Variants in CHLSN observed in about 807,000 individuals in gnomAD.
CHLSN encodes protein cholesin.
the CHLSN span, chr7:1,009,829 C>T: frequency 2.4e-5 from 21 of 877,776 alleles, no homozygotes; most frequent in African/African-American, 1.0e-4. Context: ...CTGGCATGAA[C>T]GCTCATACCT....
the CHLSN span, among the ~76,000 whole-genome samples, chr7:1,043,103 A>AG: frequency 6.6e-6 from 1 of 151,870 alleles, no homozygotes; most frequent in Admixed American, 6.6e-5. Flanking sequence ...AAAAAAAAAA[A>AG]AAAAATTAGC....
At chr7:1,092,726 A>G in the CHLSN span, 2 of 1,613,488 alleles carry the variant, frequency 1.2e-6, no homozygotes, top group East Asian at 2.2e-5. Context: ...ACCTTCAGGG[A>G]CAAGCTGAGG....
the CHLSN span, among the ~76,000 whole-genome samples, chr7:1,002,604 T>G: frequency 1.0e-5 from 1 of 98,132 alleles, no homozygotes; most frequent in Admixed American, 1.1e-4. Context: ...GCCCTGTGGG[T>G]GAGTGGAGTC....
At chr7:1,016,300 C>G in the CHLSN span, among the ~76,000 whole-genome samples, 1 of 59,596 alleles carries the variant, frequency 1.7e-5, no homozygotes, top group Non-Finnish European at 2.9e-5. Context: ...TGCACGCCAG[C>G]ACATAGCAGC....
chr7:1,104,010 C>T, the CHLSN span, among the ~76,000 whole-genome samples: 1 of 152,242 alleles, frequency 6.6e-6, no homozygotes, highest in African/African-American at 2.4e-5. Flanking sequence ...TTTGGGATCT[C>T]GGTGCCACCT....
chr7:1,102,213 G>A, the CHLSN span, among the ~76,000 whole-genome samples: 2 of 152,252 alleles, frequency 1.3e-5, no homozygotes, highest in African/African-American at 4.8e-5. Context: ...GTCCACCCAC[G>A]AGCAAAGCCA....
the CHLSN span, among the ~76,000 whole-genome samples, chr7:1,064,233 G>A: frequency 6.6e-6 from 1 of 152,146 alleles, no homozygotes; most frequent in Non-Finnish European, 1.5e-5. Flanking sequence ...TAGGAGACCC[G>A]ACACAGCGCC....
At chr7:1,119,946 A>T in the CHLSN span, among the ~76,000 whole-genome samples, 2 of 152,206 alleles carry the variant, frequency 1.3e-5, no homozygotes, top group Admixed American at 1.3e-4. Flanking sequence ...CTTTTAGAAC[A>T]AAAGAAGTTA....
the CHLSN span, among the ~76,000 whole-genome samples, chr7:1,039,436 G>A: frequency 3.2e-5 from 2 of 62,260 alleles, no homozygotes; most frequent in South Asian, 1.0e-3. Context: ...CAGCCCCCCC[G>A]CCCGGCCAGC....
chr7:1,132,277 G>T, the CHLSN span, among the ~76,000 whole-genome samples: 1 of 152,234 alleles, frequency 6.6e-6, no homozygotes, highest in Non-Finnish European at 1.5e-5. Flanking sequence ...GCTGAGTGCA[G>T]TGGCTAATGC....
the CHLSN span, among the ~76,000 whole-genome samples, chr7:998,815 C>T: frequency 6.6e-6 from 1 of 152,182 alleles, no homozygotes. Context: ...TCTAGAGTCA[C>T]ATTTAAGAAA....
the CHLSN span, among the ~76,000 whole-genome samples, chr7:1,078,429 G>T: frequency 2.0e-5 from 3 of 152,232 alleles, no homozygotes; most frequent in South Asian, 2.1e-4. Flanking sequence ...CCTGGGAAGG[G>T]GGCCCCGTGA....
the CHLSN span, among the ~76,000 whole-genome samples, chr7:1,068,590 A>C: frequency 6.6e-6 from 1 of 152,056 alleles, no homozygotes; most frequent in African/African-American, 2.4e-5. Context: ...GCTACAGAAG[A>C]CCAGGCCCCT....
At chr7:1,090,415 G>A in the CHLSN span, among the ~76,000 whole-genome samples, 16 of 148,208 alleles carry the variant, frequency 1.1e-4, no homozygotes, top group South Asian at 4.3e-4. Context: ...CGGCAGAGCC[G>A]GGGTGACACG....
the CHLSN span, among the ~76,000 whole-genome samples, chr7:1,011,294 A>AACACCCACACGCCCAG: frequency 1.1e-4 from 13 of 122,934 alleles, no homozygotes; most frequent in Non-Finnish European, 1.5e-4. Flanking sequence ...CACATAGACC[A>AACACCCACACGCCCAG]ACACCCACAC....
chr7:1,070,388 C>G, the CHLSN span, among the ~76,000 whole-genome samples: 1 of 144,822 alleles, frequency 6.9e-6, no homozygotes, highest in Admixed American at 6.8e-5. Context: ...CCAGCCGCCC[C>G]GTCCGGGAGG....
the CHLSN span, among the ~76,000 whole-genome samples, chr7:1,066,417 G>A: frequency 1.8e-4 from 27 of 152,266 alleles, no homozygotes; most frequent in Non-Finnish European, 1.5e-5. Flanking sequence ...TGAGGGACAG[G>A]GGAGCGGAGG....
At chr7:1,026,104 A>C in the CHLSN span, 1 of 152,308 alleles carries the variant, frequency 6.6e-6, no homozygotes, top group African/African-American at 2.4e-5. Context: ...ATTTTCATCC[A>C]CATGCAGGGG....
the CHLSN span, among the ~76,000 whole-genome samples, chr7:1,005,242 G>C: frequency 2.6e-5 from 4 of 152,188 alleles, no homozygotes; most frequent in African/African-American, 9.7e-5. Flanking sequence ...AGTGAGCCGA[G>C]ATTGCACCAC....
Sources: gnomAD v4.1 joint callset for allele counts (sites outside exome capture counted in the v4.1 genomes callset) on GRCh38, gnomAD v4.1.1 for gene constraint, MANE v1.5 for transcripts, NCBI Gene and HGNC (gene_info 2026-07-23, HGNC 2026-07-21) for gene names.